The following CACNB4 variants were observed in gnomAD, a reference collection of about 807,000 sequenced individuals.
CACNB4 encodes the protein calcium voltage-gated channel auxiliary subunit beta 4.
In CACNB4, 32 loss-of-function variants were observed where a neutral mutation model predicts 71.2. The observed-to-expected ratio is 0.45, with a 90% CI of 0.34 to 0.60. The LOEUF (loss-of-function observed/expected upper bound fraction) is 0.60, where lower values mean the gene tolerates loss of function less well. Ranked by LOEUF, CACNB4 falls within the 20% of genes least tolerant of loss-of-function variation. CACNB4 has a pLI of 0.01. For missense variants in CACNB4, 464 were observed against 647.9 expected (o/e 0.72, Z 3.08); for synonymous variants, 231 against 236.9 (o/e 0.97, Z 0.23).
At chr2:152,012,375 AG>A (rs1683105766) in intron 2 of CACNB4, among the ~76,000 whole-genome samples, 1 of 152,176 alleles carries the variant, frequency 6.6e-6, no homozygotes, top group Non-Finnish European at 1.5e-5. Flanking sequence ...AGGCCGAGGC[AG>A]GTGGAGCGCC....
intron 9 of CACNB4, chr2:151,867,836 C>T (rs899309059): frequency 2.0e-5 from 3 of 152,212 alleles, no homozygotes; most frequent in African/African-American, 4.8e-5. Context: ...AGGGAACAAA[C>T]TTTCTGCCCA....
intron 2 of CACNB4, among the ~76,000 whole-genome samples, chr2:152,049,431 G>A (rs1276842179): frequency 6.6e-6 from 1 of 152,104 alleles, no homozygotes; most frequent in Non-Finnish European, 1.5e-5. Context: ...GATTACAGGC[G>A]TGAGCCACTG....
At chr2:152,024,548 T>G (rs1350126457) in intron 2 of CACNB4, among the ~76,000 whole-genome samples, 2 of 152,250 alleles carry the variant, frequency 1.3e-5, no homozygotes, top group African/African-American at 4.8e-5. Context: ...CACTAAAAGA[T>G]TATGTATTAC....
chr2:151,957,108 G>A (rs534163048), intron 2 of CACNB4, among the ~76,000 whole-genome samples: 9 of 152,230 alleles, frequency 5.9e-5, no homozygotes, highest in East Asian at 1.9e-4. Context: ...AGCCGAGATC[G>A]TGCCACTGCA....
chr2:152,078,566 T>G (rs1336301839), intron 2 of CACNB4, among the ~76,000 whole-genome samples: 1 of 152,254 alleles, frequency 6.6e-6, no homozygotes, highest in Non-Finnish European at 1.5e-5. Context: ...TGAAGCTAGA[T>G]GTCGCCTCAT....
At chr2:151,922,146 G>T (rs1236212179) in intron 2 of CACNB4, among the ~76,000 whole-genome samples, 1 of 152,148 alleles carries the variant, frequency 6.6e-6, no homozygotes, top group Non-Finnish European at 1.5e-5. Flanking sequence ...AAGACTCACT[G>T]GGATAATCCT....
At chr2:151,936,632 C>T (rs190619474) in intron 2 of CACNB4, among the ~76,000 whole-genome samples, 171 of 152,324 alleles carry the variant, frequency 1.1e-3, no homozygotes, top group African/African-American at 3.9e-3. Flanking sequence ...TGGTCATTTG[C>T]CTATCACCTG....
chr2:151,966,487 G>C (rs1413867818), intron 2 of CACNB4, among the ~76,000 whole-genome samples: 2 of 151,904 alleles, frequency 1.3e-5, no homozygotes, highest in Non-Finnish European at 2.9e-5. Context: ...CACCATCTTG[G>C]CCAGGCTGGT....
chr2:152,017,988 A>G (rs1190063386), intron 2 of CACNB4, among the ~76,000 whole-genome samples: 1 of 151,890 alleles, frequency 6.6e-6, no homozygotes, highest in Non-Finnish European at 1.5e-5. Flanking sequence ...GCTCACCACC[A>G]TGCCCAGCTA....
intron 2 of CACNB4, chr2:151,970,213 C>T (rs1388583885): frequency 6.6e-6 from 1 of 152,188 alleles, no homozygotes; most frequent in Non-Finnish European, 1.5e-5. Context: ...GTATGCTCAA[C>T]ATTTTCTCAA....
At chr2:151,908,558 G>A (rs960438002) in intron 2 of CACNB4, among the ~76,000 whole-genome samples, 2 of 152,134 alleles carry the variant, frequency 1.3e-5, no homozygotes, top group East Asian at 3.9e-4. Context: ...GAAGCATGGG[G>A]GAAGCTGCAG....
chr2:151,954,293 T>C (rs2099867647), intron 2 of CACNB4, among the ~76,000 whole-genome samples: 1 of 152,248 alleles, frequency 6.6e-6, no homozygotes, highest in Non-Finnish European at 1.5e-5. Context: ...ATTAAGGCTA[T>C]GAATTAATAG....
chr2:151,970,005 C>T (rs2099872097), intron 2 of CACNB4: 1 of 152,096 alleles, frequency 6.6e-6, no homozygotes, highest in South Asian at 2.1e-4. Context: ...TTTCTAAATG[C>T]TTTAGAATTT....
At chr2:152,038,380 C>A (rs769806242) in intron 2 of CACNB4, among the ~76,000 whole-genome samples, 45 of 152,146 alleles carry the variant, frequency 3.0e-4, no homozygotes, top group Non-Finnish European at 4.0e-4. Context: ...GACTGTATAT[C>A]CCCAATGCAG....
intron 2 of CACNB4, among the ~76,000 whole-genome samples, chr2:152,047,936 G>A (rs1297453620): frequency 2.0e-5 from 3 of 152,116 alleles, no homozygotes; most frequent in African/African-American, 7.2e-5. Context: ...TCTCTTGCTT[G>A]TAAGCTATTG....
chr2:151,912,736 C>T lies in CACNB4; in HGVS notation c.148-29366G>A, dbSNP rs368493930. Reference sequence around the variant, plus strand: ...GAATATCCTTGTTAATTTTCTGTCTCGTTGATCTGTCTAATAATACTGACA... The same window carrying T: ...GAATATCCTTGTTAATTTTCTGTCTTGTTGATCTGTCTAATAATACTGACA... On this transcript the variant is annotated intron_variant, in intron 2 of 13. Coordinates refer to ENST00000539935, the MANE Select transcript of CACNB4 (RefSeq NM_000726.5). 1.8e-4 allele frequency among the ~76,000 whole-genome samples: 27 copies of T among 151,732 alleles called. No individual in the cohort carries two copies. The East Asian group carries it at 3.3e-3, about 19-fold the overall frequency.
intron 2 of CACNB4, among the ~76,000 whole-genome samples, chr2:151,913,845 T>C (rs534616221): frequency 7.9e-5 from 12 of 151,948 alleles, no homozygotes; most frequent in Non-Finnish European, 1.6e-4. Context: ...GAGAGATCCA[T>C]GTTAGTCTGA....
At chr2:151,945,011 T>G (rs974781987) in intron 2 of CACNB4, among the ~76,000 whole-genome samples, 2 of 152,214 alleles carry the variant, frequency 1.3e-5, no homozygotes, top group Non-Finnish European at 2.9e-5. Context: ...CCTCATTAGC[T>G]ATTCACAGGA....
chr2:152,009,387 G>C (rs1361760781), intron 2 of CACNB4, among the ~76,000 whole-genome samples: 1 of 152,058 alleles, frequency 6.6e-6, no homozygotes, highest in Non-Finnish European at 1.5e-5. Context: ...ACAGAAAAAA[G>C]GTCATTAGGT....
Sources: allele counts gnomAD v4.1 joint callset (sites outside exome capture counted in the v4.1 genomes callset), GRCh38; gene constraint gnomAD v4.1.1; transcripts MANE v1.5; gene names NCBI Gene and HGNC (gene_info 2026-07-23, HGNC 2026-07-21).